BAIAP2L1: variants seen among roughly 807,000 people sequenced by gnomAD.
BAIAP2L1 encodes BAR/IMD domain-containing adapter protein 2-like 1.
Under a neutral mutation model 66.3 loss-of-function variants are expected in BAIAP2L1, and 35 were observed. That is an observed-to-expected ratio of 0.53 (90% CI 0.40 to 0.70). BAIAP2L1 has a LOEUF of 0.70. BAIAP2L1 is among the 30% of genes least tolerant of loss of function. BAIAP2L1 has a pLI of 0.00. For missense variants in BAIAP2L1, 622 were observed against 656.9 expected, an observed-to-expected ratio of 0.95 and a Z score of 0.58; for synonymous variants, 269 against 248.7, an observed-to-expected ratio of 1.08 and a Z score of -0.77.
In BAIAP2L1 at chr7:98,292,562, A is replaced by G. The variant is rs1800012613; in HGVS notation, c.*959T>C. The G allele has an allele frequency of 7.2e-7, 1 of 1,383,944 alleles. No individual in the cohort carries two copies. Among genetic ancestry groups the G allele is most frequent in the Non-Finnish European group, 1.0e-6 (1 of 994,898 alleles). 85.7% of individuals were successfully genotyped at this position (1,383,944 alleles called of 1,614,324 possible). ...CCCGGGCTCAGGGCAGCCAGTGCGT[A>G]GTCCTCACATCCATACCATAGGGCC... On this transcript the variant is annotated 3_prime_UTR_variant, in exon 14 of 14. Transcript: ENST00000005260.
chr7:98,369,663 ATTTTTTTTT>A (rs71112146), intron 1 of BAIAP2L1, among the ~76,000 whole-genome samples: 8 of 103,850 alleles, frequency 7.7e-5, no homozygotes, highest in African/African-American at 2.8e-4. Flanking sequence ...TGATTTCCTA[ATTTTTTTTT>A]TTTTTTTTTT....
At chr7:98,310,388 C>T in intron 9 of BAIAP2L1, 57 bp downstream of exon 9, 1 of 1,529,180 alleles carries the variant, frequency 6.5e-7, no homozygotes. Flanking sequence ...TATTTCACAG[C>T]TTATCTTAAA....
At chr7:98,309,046 C>T (rs1441072972) in intron 9 of BAIAP2L1, 1 of 152,058 alleles carries the variant, frequency 6.6e-6, no homozygotes, top group Non-Finnish European at 1.5e-5. Flanking sequence ...TAAAACAATG[C>T]AAGATCTCTT....
At chr7:98,355,247 C>A in intron 2 of BAIAP2L1, 119 bp from the exon 3 acceptor site, 2 of 727,308 alleles carry the variant, frequency 2.7e-6, no homozygotes, top group East Asian at 2.7e-5. Context: ...TGGGCTGTGG[C>A]AGGTGTGGCT....
At chr7:98,325,154 G>A (rs1801349390) in intron 3 of BAIAP2L1, among the ~76,000 whole-genome samples, 1 of 152,150 alleles carries the variant, frequency 6.6e-6, no homozygotes, top group Non-Finnish European at 1.5e-5. Context: ...GGAGGCGGAG[G>A]CAGGCAGATC....
chr7:98,348,491 C>G (rs903889956), intron 3 of BAIAP2L1, among the ~76,000 whole-genome samples: 1 of 148,928 alleles, frequency 6.7e-6, no homozygotes, highest in Non-Finnish European at 1.5e-5. Context: ...CGCTTGAACC[C>G]GGGAAGCAGA....
intron 3 of BAIAP2L1, among the ~76,000 whole-genome samples, chr7:98,329,285 G>A (rs1018975980): frequency 6.6e-6 from 1 of 152,192 alleles, no homozygotes; most frequent in Non-Finnish European, 1.5e-5. Flanking sequence ...AAAACCAGAC[G>A]GACAGGCTGA....
At chr7:98,321,664 G>A (rs1339393102) in intron 3 of BAIAP2L1, among the ~76,000 whole-genome samples, 1 of 152,128 alleles carries the variant, frequency 6.6e-6, no homozygotes, top group African/African-American at 2.4e-5. Flanking sequence ...GGAACCAAAC[G>A]GGTTTCCTAG....
chr7:98,296,917 C>T (rs1158874769), intron 12 of BAIAP2L1, among the ~76,000 whole-genome samples: 3 of 152,332 alleles, frequency 2.0e-5, no homozygotes, highest in Non-Finnish European at 4.4e-5. Context: ...CACACTCAGC[C>T]CACTGTGGTG....
chr7:98,343,955 CG>C (rs1430096378), intron 3 of BAIAP2L1, among the ~76,000 whole-genome samples: 1 of 152,112 alleles, frequency 6.6e-6, no homozygotes, highest in Non-Finnish European at 1.5e-5. Context: ...CCGAGGCGGA[CG>C]GATCATGAGG....
At chr7:98,369,291 T>C (rs1284362558) in intron 1 of BAIAP2L1, among the ~76,000 whole-genome samples, 2 of 152,158 alleles carry the variant, frequency 1.3e-5, no homozygotes, top group East Asian at 3.9e-4. Context: ...GAGACTAGCC[T>C]GGGCAACGTG....
At position 98,400,845 on chromosome 7, in the gene BAIAP2L1, C is replaced by T. The variant is rs1173422706; in HGVS notation, c.8G>A (p.Arg3Gln). 5.2e-6 allele frequency: 8 copies of T among 1,541,828 alleles called. No individual in the cohort carries two copies. Among genetic ancestry groups the T allele is most frequent in the Non-Finnish European group, 7.0e-6 (8 of 1,142,992 alleles). Reference protein sequence around the residue: MSRGPEEVNRLTE... With the variant: MSQGPEEVNRLTE... Reference sequence around the variant, plus strand: ...GAGCCGGTTCACCTCCTCGGGCCCCCGGGACATGGCTGCGGCCGCCGGGCG... The same window carrying T: ...GAGCCGGTTCACCTCCTCGGGCCCCTGGGACATGGCTGCGGCCGCCGGGCG... The change falls in exon 1 of 14, where the codon CGG (arginine) becomes CAG (glutamine). Residue 3 changes from arginine (R) to glutamine (Q), a missense_variant. Physicochemically the swap from Arg to Gln is conservative, Grantham distance 43. Coordinates refer to ENST00000005260, the MANE Select transcript of BAIAP2L1 (RefSeq NM_018842.5).
intron 2 of BAIAP2L1, among the ~76,000 whole-genome samples, chr7:98,359,581 CTT>C (rs1802218095): frequency 6.6e-6 from 1 of 151,660 alleles, no homozygotes; most frequent in Admixed American, 6.6e-5. Flanking sequence ...GACTTGCTGT[CTT>C]TTATGCGTGC....
intron 1 of BAIAP2L1, among the ~76,000 whole-genome samples, chr7:98,364,265 C>T (rs73141657): frequency 2.6e-5 from 4 of 152,212 alleles, no homozygotes; most frequent in Non-Finnish European, 4.4e-5. Context: ...TGTTTCTTTC[C>T]GCCCCGCCAC....
chr7:98,357,049 A>ATATATTT (rs1406909573), intron 2 of BAIAP2L1, among the ~76,000 whole-genome samples: 2 of 12,616 alleles, frequency 1.6e-4, no homozygotes, highest in East Asian at 4.1e-3. Context: ...ATATATATAT[A>ATATATTT]TTTTTTTTTT....
intron 1 of BAIAP2L1, among the ~76,000 whole-genome samples, chr7:98,374,137 T>C (rs2115774995): frequency 6.6e-6 from 1 of 152,172 alleles, no homozygotes; most frequent in Non-Finnish European, 1.5e-5. Flanking sequence ...TTTGTAGAGA[T>C]GGGGTCTTGC....
chr7:98,341,223 AACCAGC>A, intron 3 of BAIAP2L1, among the ~76,000 whole-genome samples: 1 of 152,302 alleles, frequency 6.6e-6, no homozygotes, highest in African/African-American at 2.4e-5. Context: ...TTCTAAGTAA[AACCAGC>A]AAAATTGTGA....
At chr7:98,318,676 G>A (rs999065372) in intron 5 of BAIAP2L1, among the ~76,000 whole-genome samples, 2 of 151,764 alleles carry the variant, frequency 1.3e-5, no homozygotes, top group African/African-American at 4.8e-5. Context: ...CCGGCATGGT[G>A]GCTCACGCCT....
rs560177303 is a variant in BAIAP2L1 at position 98,337,290 on chromosome 7, G to T, written c.215-16992C>A. ...TCTGTTGCCCAGGCTGGAGTGGAAT[G>T]GTGCAATCTTGGCTCACTGAAACCT... On this transcript the variant is annotated intron_variant, in intron 3 of 13. Transcript: ENST00000005260. Among the ~76,000 whole-genome samples, 6 of 151,110 alleles carry T rather than the reference G, an allele frequency of 4.0e-5. No homozygotes were observed. The South Asian group carries it at 1.3e-3, about 32-fold the overall frequency.
Sources: gnomAD v4.1 joint callset for allele counts (sites outside exome capture counted in the v4.1 genomes callset) on GRCh38, gnomAD v4.1.1 for gene constraint, MANE v1.5 for transcripts, NCBI Gene and HGNC (gene_info 2026-07-23, HGNC 2026-07-21) for gene names.